The following PIP4K2A variants were observed in gnomAD, a reference collection of about 807,000 sequenced individuals.
PIP4K2A encodes the protein phosphatidylinositol 5-phosphate 4-kinase type-2 alpha.
Under a neutral mutation model 42.9 loss-of-function variants are expected in PIP4K2A, and 14 were observed. The ratio of observed to expected loss-of-function variants is 0.33; its 90% confidence interval spans 0.22 to 0.51. The LOEUF (loss-of-function observed/expected upper bound fraction) is 0.51. Among genes scored for constraint, PIP4K2A ranks in the 20% least tolerant of loss-of-function variants. The pLI is 0.97. For missense variants in PIP4K2A, 434 were observed against 519.8 expected (o/e 0.83, Z 1.61); for synonymous variants, 192 against 192.2 (o/e 1.00, Z 0.01).
intron 4 of PIP4K2A, among the ~76,000 whole-genome samples, chr10:22,578,552 C>A (rs775232966): frequency 6.6e-6 from 1 of 152,142 alleles, no homozygotes; most frequent in Admixed American, 6.5e-5. Flanking sequence ...TTGGCCAATG[C>A]TTCCTCCTCT....
intron 3 of PIP4K2A, among the ~76,000 whole-genome samples, chr10:22,605,362 T>C (rs1837884149): frequency 1.3e-5 from 2 of 152,274 alleles, no homozygotes; most frequent in South Asian, 2.1e-4. Flanking sequence ...TTGTGAATCA[T>C]CCTCCACTTG....
At chr10:22,545,390 A>G (rs1471044319) in intron 7 of PIP4K2A, among the ~76,000 whole-genome samples, 2 of 152,210 alleles carry the variant, frequency 1.3e-5, no homozygotes, top group Admixed American at 6.5e-5. Context: ...TAACTTGCCA[A>G]AGGGCAGAGA....
intron 7 of PIP4K2A, among the ~76,000 whole-genome samples, chr10:22,545,195 A>G (rs1323980910): frequency 6.6e-6 from 1 of 152,252 alleles, no homozygotes; most frequent in African/African-American, 2.4e-5. Context: ...TCCAGCAGGA[A>G]GTAACTACCA....
intron 1 of PIP4K2A, among the ~76,000 whole-genome samples, chr10:22,653,998 A>G (rs1403266461): frequency 6.6e-6 from 1 of 152,184 alleles, no homozygotes; most frequent in Non-Finnish European, 1.5e-5. Flanking sequence ...GAAGTGCCCA[A>G]GCATTTTATA....
chr10:22,572,977 T>C (rs1588634464), intron 5 of PIP4K2A, among the ~76,000 whole-genome samples: 1 of 152,228 alleles, frequency 6.6e-6, no homozygotes, highest in Admixed American at 6.5e-5. Context: ...GACTAACTTA[T>C]CACTTTTACT....
At chr10:22,672,010 G>A (rs1264676802) in intron 1 of PIP4K2A, among the ~76,000 whole-genome samples, 1 of 152,080 alleles carries the variant, frequency 6.6e-6, no homozygotes, top group Non-Finnish European at 1.5e-5. Flanking sequence ...AGACAAATAT[G>A]CAGCTATATT....
chr10:22,629,417 T>G (rs1352450831), intron 1 of PIP4K2A, among the ~76,000 whole-genome samples: 2 of 152,212 alleles, frequency 1.3e-5, no homozygotes, highest in African/African-American at 4.8e-5. Context: ...GATGCTAGAA[T>G]GGAATGACAA....
At chr10:22,616,601 C>A (rs1345614051) in intron 1 of PIP4K2A, among the ~76,000 whole-genome samples, 1 of 152,028 alleles carries the variant, frequency 6.6e-6, no homozygotes, top group Non-Finnish European at 1.5e-5. Context: ...TTCCTAACAG[C>A]CAGTGAGATA....
In PIP4K2A at chr10:22,537,261, G is replaced by A. The variant is rs376129271; in HGVS notation, c.1161C>T (p.Thr387=). 27 of 1,604,858 alleles carry A rather than the reference G, an allele frequency of 1.7e-5. No individual in the cohort carries two copies. The highest frequency in any genetic ancestry group is 8.0e-5 in the African/African-American group (6 of 74,640). The change falls in exon 10 of 10, where the codon ACC becomes ACT. Residue 387 remains threonine (T), a synonymous_variant. Transcript: ENST00000376573. ...VKHGAGAEIS[T]VNPEQYSKRF... ...GCTTTGAATACTGTTCTGGGTTCAC[G>A]GTGGAGATCTCCGCGCCAGCCTGGG...
chr10:22,561,482 T>C (rs1000297397), intron 6 of PIP4K2A, among the ~76,000 whole-genome samples: 14 of 150,856 alleles, frequency 9.3e-5, no homozygotes, highest in Non-Finnish European at 2.1e-4. Flanking sequence ...CTAGAAGTTA[T>C]AATGACTCAT....
chr10:22,633,094 C>T (rs1239903314), intron 1 of PIP4K2A, among the ~76,000 whole-genome samples: 1 of 152,172 alleles, frequency 6.6e-6, no homozygotes, highest in Non-Finnish European at 1.5e-5. Context: ...TACACAGCCC[C>T]CCTCTTTACA....
intron 6 of PIP4K2A, among the ~76,000 whole-genome samples, chr10:22,556,471 T>C (rs1036007864): frequency 6.6e-6 from 1 of 152,184 alleles, no homozygotes; most frequent in Non-Finnish European, 1.5e-5. Flanking sequence ...CCTGAAGTAA[T>C]AAAGAATTTG....
chr10:22,577,454 C>T (rs921153751), intron 4 of PIP4K2A, among the ~76,000 whole-genome samples: 1 of 152,150 alleles, frequency 6.6e-6, no homozygotes, highest in Non-Finnish European at 1.5e-5. Context: ...TTCCCCTCTC[C>T]TTCCTTGCCT....
intron 1 of PIP4K2A, among the ~76,000 whole-genome samples, chr10:22,697,973 A>C (rs1840004192): frequency 6.6e-6 from 1 of 152,198 alleles, no homozygotes; most frequent in African/African-American, 2.4e-5. Context: ...GTTTAATATA[A>C]ATCATGTGGG....
intron 1 of PIP4K2A, among the ~76,000 whole-genome samples, chr10:22,643,978 C>T (rs1838831123): frequency 2.6e-5 from 4 of 152,166 alleles, no homozygotes. Context: ...CAATGGCTCT[C>T]AGTTTTTAAA....
intron 1 of PIP4K2A, among the ~76,000 whole-genome samples, chr10:22,708,215 AAGCTTTCAC>A (rs1833855024): frequency 6.6e-6 from 1 of 152,178 alleles, no homozygotes; most frequent in Non-Finnish European, 1.5e-5. Flanking sequence ...TTAAGTCTTT[AAGCTTTCAC>A]AGCCACCCGC....
chr10:22,566,179 GT>G (rs1448715182), intron 6 of PIP4K2A, among the ~76,000 whole-genome samples: 2 of 152,098 alleles, frequency 1.3e-5, no homozygotes, highest in Non-Finnish European at 2.9e-5. Flanking sequence ...AAAACTTGCT[GT>G]TTTTTGTGGC....
At chr10:22,639,141 C>G (rs931673056) in intron 1 of PIP4K2A, among the ~76,000 whole-genome samples, 1 of 151,992 alleles carries the variant, frequency 6.6e-6, no homozygotes, top group Non-Finnish European at 1.5e-5. Flanking sequence ...GAGCATCCAC[C>G]AAATCAAAGA....
At chr10:22,701,098 G>A (rs1469121942) in intron 1 of PIP4K2A, among the ~76,000 whole-genome samples, 1 of 152,114 alleles carries the variant, frequency 6.6e-6, no homozygotes, top group Non-Finnish European at 1.5e-5. Context: ...AGAATTTCAA[G>A]AGCCTACCAC....
Sources: gnomAD v4.1 joint callset for allele counts (sites outside exome capture counted in the v4.1 genomes callset) on GRCh38, gnomAD v4.1.1 for gene constraint, MANE v1.5 for transcripts, NCBI Gene and HGNC (gene_info 2026-07-23, HGNC 2026-07-21) for gene names.